Variants in GUCY1A2 observed in about 807,000 individuals in gnomAD.
GUCY1A2 encodes guanylate cyclase soluble subunit alpha-2.
A neutral mutation model predicts 63.5 loss-of-function variants in GUCY1A2; 27 were observed. The observed-to-expected ratio is 0.43, with a 90% CI of 0.31 to 0.59. GUCY1A2 has a LOEUF of 0.59. Ranked by LOEUF, GUCY1A2 falls within the 20% of genes least tolerant of loss-of-function variation. GUCY1A2 has a pLI of 0.11. For missense variants in GUCY1A2, 768 were observed against 913.3 expected, an observed-to-expected ratio of 0.84 and a Z score of 2.05; for synonymous variants, 364 against 343.5, an observed-to-expected ratio of 1.06 and a Z score of -0.66.
In GUCY1A2 at chr11:106,858,197, G is replaced by C. The variant is rs76180112; in HGVS notation, c.1207-47719C>G. 8.0e-4 allele frequency among the ~76,000 whole-genome samples: 121 copies of C among 152,180 alleles called. 5 individuals are homozygous for C. In the East Asian group the frequency reaches 0.021, roughly 26 times the overall value. On this transcript the variant is annotated intron_variant, in intron 4 of 7. Transcript: ENST00000526355. ...ACATAAATAAGTCTTGGAGAGTTAT[G>C]GTTACCAGTGATTCACATCTTAGTA...
At chr11:106,776,062 C>T (rs772152076) in intron 6 of GUCY1A2, among the ~76,000 whole-genome samples, 1 of 152,140 alleles carries the variant, frequency 6.6e-6, no homozygotes, top group African/African-American at 2.4e-5. Context: ...CAGGAAGTTG[C>T]GCAGGTCCTC....
intron 4 of GUCY1A2, among the ~76,000 whole-genome samples, chr11:106,889,458 A>G (rs1859946044): frequency 6.6e-6 from 1 of 152,096 alleles, no homozygotes; most frequent in South Asian, 2.1e-4. Flanking sequence ...CCAACCCCTC[A>G]CGTCTCAAGC....
chr11:106,764,557 T>A (rs1864124967), intron 6 of GUCY1A2, among the ~76,000 whole-genome samples: 1 of 152,108 alleles, frequency 6.6e-6, no homozygotes, highest in Non-Finnish European at 1.5e-5. Context: ...GTATATACAG[T>A]ACAGGCATAT....
chr11:106,810,585 C>T (rs1482016018), intron 4 of GUCY1A2, 107 bp from the exon 5 acceptor site: 1 of 849,354 alleles, frequency 1.2e-6, no homozygotes, highest in African/African-American at 1.7e-5. Flanking sequence ...ATTAGCAATA[C>T]TGAGTTACTG....
At chr11:106,936,976 TTTTC>T (rs1377729450) in intron 4 of GUCY1A2, among the ~76,000 whole-genome samples, 5 of 152,142 alleles carry the variant, frequency 3.3e-5, no homozygotes, top group African/African-American at 7.2e-5. Context: ...TACATATTAT[TTTTC>T]TTTCTTCTTT....
intron 4 of GUCY1A2, among the ~76,000 whole-genome samples, chr11:106,863,635 A>G (rs1859545915): frequency 6.7e-6 from 1 of 148,816 alleles, no homozygotes. Flanking sequence ...TCTTGGTTCC[A>G]TATGAAATTT....
At chr11:106,687,904 C>T (rs1207058120) in intron 7 of GUCY1A2, 148 bp from the exon 8 acceptor site, 2 of 604,132 alleles carry the variant, frequency 3.3e-6, no homozygotes. Flanking sequence ...TCATCAGATT[C>T]CAAATGCTAG....
rs559973582 is a variant in GUCY1A2, at chr11:106,693,155, G to A, written c.1992-5399C>T. Among the ~76,000 whole-genome samples, 3 of 152,336 alleles carry A rather than the reference G, an allele frequency of 2.0e-5. No homozygotes were observed. The South Asian group carries it at 6.2e-4, about 32-fold the overall frequency. On this transcript the variant is annotated intron_variant, in intron 7 of 7. Transcript: ENST00000526355. The stretch of plus-strand genomic sequence containing the variant: ...TACTTGAAGGGCAAAGGAAGAGGCA[G>A]TAGAATCTGATGCATCTTGTAGAGG...
chr11:107,013,433 T>G (rs1000289448), intron 1 of GUCY1A2, among the ~76,000 whole-genome samples: 2 of 152,238 alleles, frequency 1.3e-5, no homozygotes, highest in African/African-American at 4.8e-5. Context: ...TCACCCTTGA[T>G]GTGAAATCCC....
At chr11:106,953,000 T>C (rs1860931674) in intron 3 of GUCY1A2, among the ~76,000 whole-genome samples, 1 of 151,880 alleles carries the variant, frequency 6.6e-6, no homozygotes, top group Admixed American at 6.6e-5. Context: ...CTTCCTCTCT[T>C]CTTGTTTGAA....
chr11:107,017,160 C>A (rs1446708737), intron 1 of GUCY1A2, among the ~76,000 whole-genome samples: 3 of 152,150 alleles, frequency 2.0e-5, no homozygotes, highest in Non-Finnish European at 4.4e-5. Flanking sequence ...TTAGAGATTA[C>A]TTGAACAGAA....
rs1195455099 is a variant in GUCY1A2, at chr11:106,685,539, A to T, written c.*2010T>A. The T allele has an allele frequency of 4.4e-6, 1 of 227,044 alleles. No homozygotes were observed. The highest frequency in any genetic ancestry group is 8.8e-6 in the Non-Finnish European group (1 of 114,118). The allele number at this position is 227,044 out of a possible 1,614,324, so 14.1% of individuals were successfully genotyped here. The stretch of plus-strand genomic sequence containing the variant: ...CAACATTTTATTGATTTAATATACC[A>T]TAATAAGTTCTAAGTTACTGAAGAC... On this transcript the variant is annotated 3_prime_UTR_variant, in exon 8 of 8. Transcript: ENST00000526355.
chr11:106,977,523 C>A (rs1012092242), intron 3 of GUCY1A2, among the ~76,000 whole-genome samples: 22 of 152,096 alleles, frequency 1.4e-4, no homozygotes, highest in Non-Finnish European at 2.8e-4. Context: ...TTTGTGTTTA[C>A]AAAAGTTACC....
chr11:106,964,008 C>T (rs1417556030), intron 3 of GUCY1A2, among the ~76,000 whole-genome samples: 1 of 151,624 alleles, frequency 6.6e-6, no homozygotes, highest in Admixed American at 6.6e-5. Flanking sequence ...CTTTCTTATT[C>T]TCTCTCATTC....
At chr11:106,802,355 A>C (rs1477797027) in intron 5 of GUCY1A2, among the ~76,000 whole-genome samples, 1 of 152,190 alleles carries the variant, frequency 6.6e-6, no homozygotes, top group East Asian at 1.9e-4. Context: ...TTGATACACA[A>C]AAGAGAGATA....
intron 3 of GUCY1A2, among the ~76,000 whole-genome samples, chr11:106,942,480 A>G (rs1235087518): frequency 6.6e-6 from 1 of 152,190 alleles, no homozygotes; most frequent in Non-Finnish European, 1.5e-5. Context: ...CTTATTAAAA[A>G]CTAAATACAG....
intron 3 of GUCY1A2, among the ~76,000 whole-genome samples, chr11:106,947,875 T>C (rs1202599413): frequency 6.6e-6 from 1 of 151,882 alleles, no homozygotes; most frequent in Non-Finnish European, 1.5e-5. Context: ...AATAAAGAGC[T>C]TCCAAATTAA....
intron 4 of GUCY1A2, among the ~76,000 whole-genome samples, chr11:106,845,443 G>A (rs1443802525): frequency 1.3e-5 from 2 of 151,516 alleles, no homozygotes; most frequent in African/African-American, 4.8e-5. Context: ...ATGAGTGCTA[G>A]AGACAAACAT....
At chr11:106,725,480 A>G (rs1863392177) in intron 6 of GUCY1A2, among the ~76,000 whole-genome samples, 1 of 152,058 alleles carries the variant, frequency 6.6e-6, no homozygotes, top group Non-Finnish European at 1.5e-5. Context: ...TGTGATATTT[A>G]TTTTCATGGT....
Sources: allele counts gnomAD v4.1 joint callset (sites outside exome capture counted in the v4.1 genomes callset), GRCh38; gene constraint gnomAD v4.1.1; transcripts MANE v1.5; gene names NCBI Gene and HGNC (gene_info 2026-07-23, HGNC 2026-07-21).